ESR1: variants seen among roughly 807,000 people sequenced by gnomAD.
ESR1 encodes estrogen receptor.
In ESR1, 12 loss-of-function variants were observed where a neutral mutation model predicts 52.7. The observed-to-expected ratio is 0.23, with a 90% CI of 0.15 to 0.37. The LOEUF (loss-of-function observed/expected upper bound fraction) is 0.37. Ranked by LOEUF, ESR1 falls within the 10% of genes least tolerant of loss-of-function variation. The pLI is 1.00. For synonymous variants in ESR1, 305 were observed against 316.8 expected, an observed-to-expected ratio of 0.96 and a Z score of 0.39; for missense variants, 584 against 779.7, an observed-to-expected ratio of 0.75 and a Z score of 2.99.
intron 3 of ESR1, among the ~76,000 whole-genome samples, chr6:151,913,501 G>C (rs1181911345): frequency 6.6e-6 from 1 of 152,162 alleles, no homozygotes; most frequent in Admixed American, 6.5e-5. Flanking sequence ...AACATTCACT[G>C]GTGCAAGGAA....
intron 2 of ESR1, among the ~76,000 whole-genome samples, chr6:151,861,441 C>T (rs2128286572): frequency 6.6e-6 from 1 of 152,292 alleles, no homozygotes; most frequent in South Asian, 2.1e-4. Flanking sequence ...TTCCTCTTCC[C>T]TGTTCTCATT....
At chr6:151,856,050 A>G (rs536148048) in intron 2 of ESR1, among the ~76,000 whole-genome samples, 3 of 152,348 alleles carry the variant, frequency 2.0e-5, no homozygotes, top group Admixed American at 1.3e-4. Context: ...TATTTCTTAT[A>G]TATATGTTTC....
intron 1 of ESR1, among the ~76,000 whole-genome samples, chr6:151,822,020 A>G (rs1027179572): frequency 4.9e-4 from 75 of 152,218 alleles, no homozygotes; most frequent in African/African-American, 1.6e-3. Flanking sequence ...ATTTGACACA[A>G]CTTATTCTAC....
chr6:151,773,802 C>T (rs1037232920), intron 2 of ESR1, among the ~76,000 whole-genome samples: 2 of 152,208 alleles, frequency 1.3e-5, no homozygotes, highest in African/African-American at 4.8e-5. Flanking sequence ...AATAATCTCT[C>T]ATCTCCTCTG....
At chr6:151,935,796 G>A (rs894890071) in intron 3 of ESR1, among the ~76,000 whole-genome samples, 29 of 152,150 alleles carry the variant, frequency 1.9e-4, no homozygotes, top group Non-Finnish European at 2.5e-4. Context: ...TCCAACAAAT[G>A]ATGAAATCTC....
chr6:151,669,066 T>G (rs1221478601), intron 1 of ESR1, among the ~76,000 whole-genome samples: 1 of 148,826 alleles, frequency 6.7e-6, no homozygotes, highest in East Asian at 2.0e-4. Flanking sequence ...GTGAAACCAT[T>G]GCAGATTTCT....
chr6:151,701,464 G>A (rs1180507251), intron 1 of ESR1, among the ~76,000 whole-genome samples: 1 of 150,070 alleles, frequency 6.7e-6, no homozygotes, highest in African/African-American at 2.5e-5. Flanking sequence ...AGGAGGTGGA[G>A]GTTGCAGTGA....
intron 1 of ESR1, chr6:151,701,779 T>C (rs1193502091): frequency 1.3e-5 from 2 of 152,194 alleles, no homozygotes; most frequent in African/African-American, 2.4e-5. Flanking sequence ...TTAACAGCCT[T>C]ATTTCACTTA....
intron 2 of ESR1, among the ~76,000 whole-genome samples, chr6:151,706,866 T>C (rs1780222396): frequency 6.6e-6 from 1 of 152,232 alleles, no homozygotes; most frequent in African/African-American, 2.4e-5. Flanking sequence ...TTTGGAATCA[T>C]AGGAAGGCTT....
chr6:151,970,060 C>T (rs927911999), intron 4 of ESR1, among the ~76,000 whole-genome samples: 2 of 152,028 alleles, frequency 1.3e-5, no homozygotes, highest in African/African-American at 2.4e-5. Context: ...GACGCTTCAC[C>T]TTCCCGTTAT....
chr6:151,694,279 T>G (rs1779160083), intron 1 of ESR1, among the ~76,000 whole-genome samples: 1 of 152,152 alleles, frequency 6.6e-6, no homozygotes, highest in African/African-American at 2.4e-5. Flanking sequence ...AGTATTAACT[T>G]TTAAAGTTTG....
chr6:151,885,451 A>T (rs1793684447), intron 3 of ESR1, among the ~76,000 whole-genome samples: 1 of 152,228 alleles, frequency 6.6e-6, no homozygotes, highest in South Asian at 2.1e-4. Flanking sequence ...GTTTGGTAGA[A>T]AGAGGAACTC....
At chr6:151,980,242 A>G (rs950324846) in intron 4 of ESR1, among the ~76,000 whole-genome samples, 3 of 152,214 alleles carry the variant, frequency 2.0e-5, no homozygotes, top group Non-Finnish European at 4.4e-5. Context: ...TTCTTCTTCT[A>G]AAGTCCTCCC....
intron 2 of ESR1, among the ~76,000 whole-genome samples, chr6:151,867,774 T>G (rs1374685242): frequency 6.6e-6 from 1 of 152,160 alleles, no homozygotes; most frequent in Non-Finnish European, 1.5e-5. Flanking sequence ...AGTAGTTATT[T>G]CTAGGTCTGA....
intron 2 of ESR1, among the ~76,000 whole-genome samples, chr6:151,752,034 G>A (rs935230613): frequency 3.9e-5 from 6 of 152,178 alleles, no homozygotes; most frequent in Non-Finnish European, 7.3e-5. Context: ...AGTTGGTTGG[G>A]TATTTTAGTT....
At chr6:152,090,125 C>T (rs558261568) in intron 6 of ESR1, among the ~76,000 whole-genome samples, 2 of 152,140 alleles carry the variant, frequency 1.3e-5, no homozygotes, top group Non-Finnish European at 2.9e-5. Flanking sequence ...GTTCATCGGA[C>T]GGTCAGCTTC....
chr6:151,698,688 G>C (rs898050265), intron 1 of ESR1, among the ~76,000 whole-genome samples: 3 of 152,152 alleles, frequency 2.0e-5, no homozygotes, highest in Non-Finnish European at 4.4e-5. Context: ...GGAGCTACTG[G>C]GGGTAGAGTC....
chr6:152,015,695 C>T (rs2043115312), intron 5 of ESR1, among the ~76,000 whole-genome samples: 1 of 152,196 alleles, frequency 6.6e-6, no homozygotes, highest in Admixed American at 6.5e-5. Flanking sequence ...CATTGCTACT[C>T]ATCAATTCCC....
At chr6:151,687,459 A>C (rs1778734883), upstream of ESR1, among the ~76,000 whole-genome samples, 1 of 152,236 alleles carries the variant, frequency 6.6e-6, no homozygotes. Context: ...CAGTGGGAAC[A>C]TCTTTGCTGA....
Sources: allele counts gnomAD v4.1 joint callset (sites outside exome capture counted in the v4.1 genomes callset), GRCh38; gene constraint gnomAD v4.1.1; transcripts MANE v1.5; gene names NCBI Gene and HGNC (gene_info 2026-07-23, HGNC 2026-07-21).